Variants in CDC42BPA observed in about 807,000 individuals in gnomAD.
CDC42BPA encodes the protein serine/threonine-protein kinase MRCK alpha.
In CDC42BPA, 80 loss-of-function variants were observed where a neutral mutation model predicts 223.5. The ratio of observed to expected loss-of-function variants is 0.36; its 90% CI spans 0.30 to 0.43. The LOEUF (loss-of-function observed/expected upper bound fraction) is 0.43, where lower values mean the gene tolerates loss of function less well. Ranked by LOEUF, CDC42BPA falls within the 20% of genes least tolerant of loss-of-function variation. CDC42BPA has a pLI of 1.00. For synonymous variants in CDC42BPA, 694 were observed against 718.6 expected (o/e 0.97, Z 0.55); for missense variants, 1,743 against 2,099.9 (o/e 0.83, Z 3.32).
At chr1:227,296,283 T>C (rs1044417686) in intron 1 of CDC42BPA, among the ~76,000 whole-genome samples, 3 of 152,202 alleles carry the variant, frequency 2.0e-5, no homozygotes, top group Non-Finnish European at 2.9e-5. Flanking sequence ...CTTTTCTATA[T>C]GGCAAATCTG....
intron 1 of CDC42BPA, among the ~76,000 whole-genome samples, chr1:227,312,688 G>C (rs566354663): frequency 6.6e-6 from 1 of 152,222 alleles, no homozygotes; most frequent in East Asian, 1.9e-4. Context: ...CCCTTGACAT[G>C]GTTTGGATTT....
intron 2 of CDC42BPA, among the ~76,000 whole-genome samples, chr1:227,242,091 G>A (rs1282888520): frequency 6.6e-6 from 1 of 151,832 alleles, no homozygotes; most frequent in Non-Finnish European, 1.5e-5. Context: ...TATATTAAAA[G>A]GCCAACTGAA....
At chr1:227,311,966 G>T (rs1230459466) in intron 1 of CDC42BPA, among the ~76,000 whole-genome samples, 2 of 152,058 alleles carry the variant, frequency 1.3e-5, no homozygotes, top group Non-Finnish European at 2.9e-5. Flanking sequence ...AAAATGAACT[G>T]TCTATATTTT....
At chr1:227,233,000 G>T (rs988421142) in intron 2 of CDC42BPA, among the ~76,000 whole-genome samples, 1 of 152,176 alleles carries the variant, frequency 6.6e-6, no homozygotes, top group African/African-American at 2.4e-5. Context: ...CTTGCAGTTC[G>T]ATCTCAGACT....
chr1:227,303,462 A>G (rs1692016966), intron 1 of CDC42BPA, among the ~76,000 whole-genome samples: 1 of 152,236 alleles, frequency 6.6e-6, no homozygotes. Flanking sequence ...CCTCTGTTGT[A>G]CTAAGAACAT....
At position 227,030,413 on chromosome 1, in the gene CDC42BPA, T is replaced by C; in HGVS notation, c.3833A>G (p.Lys1278Arg). Residue 1278 changes from lysine (K) to arginine (R), a missense_variant, in exon 29 of 37, where the codon AAA becomes AGA. Coordinates refer to ENST00000366766, the MANE Select transcript of CDC42BPA (RefSeq NM_001394014.1). ...EEGLFVVHVT[K>R]DEIIRVGDNK... The stretch of plus-strand genomic sequence containing the variant: ...AAAAAAAAGTTTTCTCTTACCATCT[T>C]TGGTGACATGTACAACAAATAACCC... 6.3e-7 allele frequency: 1 copy of C among 1,594,148 alleles called. No homozygotes were observed. The highest frequency in any genetic ancestry group is 8.5e-7 in the Non-Finnish European group (1 of 1,170,582).
At chr1:227,189,386 A>T (rs1669349080) in intron 5 of CDC42BPA, among the ~76,000 whole-genome samples, 1 of 152,222 alleles carries the variant, frequency 6.6e-6, no homozygotes, top group Non-Finnish European at 1.5e-5. Context: ...AAAGGATGAA[A>T]CTATCTTATT....
intron 5 of CDC42BPA, among the ~76,000 whole-genome samples, chr1:227,177,289 A>G (rs921207858): frequency 2.0e-5 from 3 of 152,110 alleles, no homozygotes; most frequent in African/African-American, 7.2e-5. Flanking sequence ...GGCCTGAAGC[A>G]ATGAATTCTT....
Position 227,031,478 on chromosome 1 carries a change from A to T in CDC42BPA, c.3595T>A (p.Cys1199Ser). The T allele has an allele frequency of 6.2e-7, 1 of 1,614,088 alleles. No homozygotes were observed. Among genetic ancestry groups the T allele is most frequent in the Non-Finnish European group, 8.5e-7 (1 of 1,179,952 alleles). Residue 1199 changes from cysteine (C) to serine (S), a missense_variant, in exon 28 of 37, where the codon TGT becomes AGT. Cys to Ser is a moderately radical substitution (Grantham distance 112, BLOSUM62 -1). Around this residue, in one of 6 missense-constraint regions of CDC42BPA, gnomAD observed 678 missense variants for 777.5 expected, o/e 0.87. Transcript: ENST00000366766. ...ASQLSASNNK[C>S]SILMLADTEN... ...GTGTCTGCTAGCATCAGGATTGAAC[A>T]TTTGTTATTAGATGCTGAGAGCTGG...
At chr1:227,268,691 C>CA (rs1558914407) in intron 1 of CDC42BPA, among the ~76,000 whole-genome samples, 56 of 139,584 alleles carry the variant, frequency 4.0e-4, no homozygotes, top group Non-Finnish European at 6.1e-4. Flanking sequence ...CACACACACA[C>CA]TTTTTTTTTT....
intron 16 of CDC42BPA, among the ~76,000 whole-genome samples, chr1:227,090,708 G>A (rs576645347): frequency 2.3e-4 from 35 of 152,328 alleles, no homozygotes; most frequent in African/African-American, 7.5e-4. Context: ...CAACTCAGGA[G>A]GCTGAGGCAG....
At chr1:227,081,888 T>C (rs143603991) in intron 16 of CDC42BPA, among the ~76,000 whole-genome samples, 1 of 152,326 alleles carries the variant, frequency 6.6e-6, no homozygotes, top group East Asian at 1.9e-4. Context: ...ATAACCACGA[T>C]AGCATCATAC....
At chr1:227,155,054 T>C (rs771437933) in intron 6 of CDC42BPA, among the ~76,000 whole-genome samples, 1 of 152,066 alleles carries the variant, frequency 6.6e-6, no homozygotes, top group Non-Finnish European at 1.5e-5. Context: ...AAAAAGTAAG[T>C]TGAAACTTAA....
chr1:227,307,730 C>T (rs955000837), intron 1 of CDC42BPA, among the ~76,000 whole-genome samples: 1 of 152,182 alleles, frequency 6.6e-6, no homozygotes, highest in Non-Finnish European at 1.5e-5. Flanking sequence ...ACGTTTGTGT[C>T]GTACTGTCAG....
At chr1:227,004,857 A>G in intron 35 of CDC42BPA, 137 bp downstream of exon 35, 1 of 778,700 alleles carries the variant, frequency 1.3e-6, no homozygotes. Context: ...ATTACCCAGC[A>G]GGGTCTGAGA....
chr1:227,275,918 G>C (rs1470212380), intron 1 of CDC42BPA, among the ~76,000 whole-genome samples: 1 of 151,824 alleles, frequency 6.6e-6, no homozygotes, highest in Non-Finnish European at 1.5e-5. Context: ...ATGTTGCCCA[G>C]GCTGGAGTGC....
chr1:227,192,308 A>C (rs1226138680), intron 5 of CDC42BPA, among the ~76,000 whole-genome samples: 1 of 79,192 alleles, frequency 1.3e-5, no homozygotes, highest in Non-Finnish European at 3.1e-5. Flanking sequence ...GTCTTAGAGC[A>C]TAGTTCTGAG....
At chr1:227,046,659 C>G (rs1176761660) in intron 23 of CDC42BPA, among the ~76,000 whole-genome samples, 3 of 152,124 alleles carry the variant, frequency 2.0e-5, no homozygotes, top group Non-Finnish European at 4.4e-5. Flanking sequence ...TAGACTCCTG[C>G]TTCACTCTTG....
intron 3 of CDC42BPA, among the ~76,000 whole-genome samples, chr1:227,205,563 T>C (rs1232458450): frequency 6.6e-6 from 1 of 152,076 alleles, no homozygotes; most frequent in Non-Finnish European, 1.5e-5. Context: ...CTTGCATTTG[T>C]TCATTTTTTA....
Sources: gnomAD v4.1 joint callset for allele counts (sites outside exome capture counted in the v4.1 genomes callset) on GRCh38, gnomAD v4.1.1 for gene constraint, gnomAD v4.1.1 regional missense constraint, MANE v1.5 for transcripts, NCBI Gene and HGNC (gene_info 2026-07-23, HGNC 2026-07-21) for gene names.